ABCA12: variants seen among roughly 807,000 people sequenced by gnomAD.
ABCA12 encodes the protein glucosylceramide transporter ABCA12.
ABCA12 carries 156 observed loss-of-function variants against 293.5 expected under a neutral mutation model. The ratio of observed to expected loss-of-function variants is 0.53; its 90% confidence interval spans 0.47 to 0.61. The LOEUF (loss-of-function observed/expected upper bound fraction) is 0.61, where lower values mean the gene tolerates loss of function less well. Among genes scored for constraint, ABCA12 ranks in the 20% least tolerant of loss-of-function variants. The probability of loss-of-function intolerance (pLI) is 0.00; values close to 1 mark genes in which losing one functional copy is unlikely to be tolerated. For missense variants in ABCA12, 2,797 were observed against 3,090.2 expected, an observed-to-expected ratio of 0.91 and a Z score of 2.25; for synonymous variants, 1,063 against 1,108.0, an observed-to-expected ratio of 0.96 and a Z score of 0.81.
chr2:215,121,960 T>G (rs1008450193), intron 1 of ABCA12, among the ~76,000 whole-genome samples: 3 of 152,182 alleles, frequency 2.0e-5, no homozygotes, highest in Admixed American at 6.5e-5. Flanking sequence ...AGGTATGTCT[T>G]TATTAGCAGC....
chr2:215,130,715 A>G (rs1703035123), intron 1 of ABCA12, among the ~76,000 whole-genome samples: 1 of 151,978 alleles, frequency 6.6e-6, no homozygotes, highest in South Asian at 2.1e-4. Context: ...CTCTTTTCCA[A>G]TTTGGATGCC....
chr2:214,998,720 TG>T (rs937672165), intron 22 of ABCA12, among the ~76,000 whole-genome samples: 5 of 152,212 alleles, frequency 3.3e-5, no homozygotes, highest in Non-Finnish European at 5.9e-5. Flanking sequence ...TTATTATATC[TG>T]GGTGGGACCA....
chr2:215,030,821 A>G (rs903736451), intron 9 of ABCA12, among the ~76,000 whole-genome samples: 1 of 152,214 alleles, frequency 6.6e-6, no homozygotes, highest in African/African-American at 2.4e-5. Flanking sequence ...GAAAGTTTGT[A>G]AACAACTATG....
At chr2:215,047,540 C>T (rs1403377846) in intron 6 of ABCA12, among the ~76,000 whole-genome samples, 1 of 152,138 alleles carries the variant, frequency 6.6e-6, no homozygotes, top group African/African-American at 2.4e-5. Flanking sequence ...GGAAAGAACT[C>T]CCTATTCAAT....
intron 1 of ABCA12, among the ~76,000 whole-genome samples, chr2:215,135,350 TC>T (rs1192836811): frequency 2.0e-5 from 3 of 152,250 alleles, no homozygotes; most frequent in Non-Finnish European, 2.9e-5. Context: ...TTTGCTTTTT[TC>T]ATGTGCCATT....
rs769888029 is a variant in ABCA12, at chr2:214,973,934, T to G, written c.5562+15A>C. ...CGTATTTTTCCCATTTCACTGAAAC[T>G]GAATTCCATCTTACCTGGACATTTT... On this transcript the variant is annotated intron_variant, in intron 36 of 52. Transcript: ENST00000272895. The G allele has an allele frequency of 1.2e-6, 2 of 1,607,696 alleles. No homozygotes were observed. Among genetic ancestry groups the G allele is most frequent in the Non-Finnish European group, 8.5e-7 (1 of 1,174,288 alleles).
intron 41 of ABCA12, among the ~76,000 whole-genome samples, chr2:214,957,599 C>T (rs549724869): frequency 3.9e-5 from 6 of 152,178 alleles, no homozygotes; most frequent in Non-Finnish European, 8.8e-5. Flanking sequence ...TACTCTCCAA[C>T]CCTTTAAGCC....
intron 23 of ABCA12, among the ~76,000 whole-genome samples, chr2:214,996,608 T>G (rs1183586028): frequency 6.6e-6 from 1 of 152,136 alleles, no homozygotes; most frequent in Admixed American, 6.6e-5. Flanking sequence ...GGACTCAAAC[T>G]AGTTGATGAG....
At chr2:215,092,728 C>T (rs1408441816) in intron 2 of ABCA12, among the ~76,000 whole-genome samples, 1 of 152,160 alleles carries the variant, frequency 6.6e-6, no homozygotes, top group Non-Finnish European at 1.5e-5. Context: ...AGGATCTTCA[C>T]CTTATCAACC....
intron 2 of ABCA12, among the ~76,000 whole-genome samples, chr2:215,095,244 G>T (rs1702227096): frequency 6.6e-6 from 1 of 152,026 alleles, no homozygotes. Flanking sequence ...CTCAAAGATA[G>T]AGCCCAAAAA....
At chr2:215,096,394 A>G (rs962816500) in intron 2 of ABCA12, among the ~76,000 whole-genome samples, 2 of 152,174 alleles carry the variant, frequency 1.3e-5, no homozygotes, top group Non-Finnish European at 2.9e-5. Context: ...TTGCTTCTCT[A>G]AGAGTTTTGA....
In ABCA12 at chr2:214,958,465, C is replaced by T. The variant is rs1426976708; in HGVS notation, c.5940-11G>A. ...ATTAAACTGCTGATTCTAGAGTGAG[C>T]AATAGGGAGAGGAAAACACACATAA... On this transcript the variant is annotated splice_polypyrimidine_tract_variant and intron_variant, in intron 40 of 52. Coordinates refer to ENST00000272895, the MANE Select transcript of ABCA12 (RefSeq NM_173076.3). The T allele has an allele frequency of 6.2e-7, 1 of 1,613,428 alleles. No individual in the cohort carries two copies. The highest frequency in any genetic ancestry group is 1.1e-5 in the South Asian group (1 of 91,052).
chr2:214,979,072 T>C (rs2105962368), intron 31 of ABCA12, 32 bp from the exon 32 acceptor site: 2 of 1,586,498 alleles, frequency 1.3e-6, no homozygotes, highest in Non-Finnish European at 1.7e-6. Flanking sequence ...TAAAACACTC[T>C]CCTCTCTTTA....
rs985104223 is a variant in ABCA12 at position 215,128,669 on chromosome 2, T to C, written c.69+9471A>G. Among the ~76,000 whole-genome samples the C allele has an allele frequency of 3.9e-5, 6 of 152,274 alleles. 1 individual carries two copies. Among genetic ancestry groups the C allele is most frequent in the African/African-American group, 7.2e-5 (3 of 41,552 alleles). On this transcript the variant is annotated intron_variant, in intron 1 of 52. Coordinates refer to ENST00000272895, the MANE Select transcript of ABCA12 (RefSeq NM_173076.3). ...TTTGTATTTTTTTTTCTTAAAGCTATCTATTTCCTTGAATATTTCTCCCTT... is the reference window on the plus strand; with the variant it reads ...TTTGTATTTTTTTTTCTTAAAGCTACCTATTTCCTTGAATATTTCTCCCTT...
At chr2:214,940,666 G>C (rs1277335920) in intron 50 of ABCA12, among the ~76,000 whole-genome samples, 1 of 152,124 alleles carries the variant, frequency 6.6e-6, no homozygotes, top group Non-Finnish European at 1.5e-5. Context: ...GGTCTATTGA[G>C]GGATTTGACT....
Position 214,970,313 on chromosome 2 carries a change from T to G in ABCA12, c.5650A>C (p.Asn1884His). 1.9e-6 allele frequency: 3 copies of G among 1,613,218 alleles called. No homozygotes were observed. Among genetic ancestry groups the G allele is most frequent in the Non-Finnish European group, 1.7e-6 (2 of 1,179,454 alleles). The change falls in exon 37 of 53, where the codon AAT becomes CAT. Residue 1884 changes from asparagine to histidine, a missense_variant. Physicochemically the swap from Asn to His is moderately conservative, Grantham distance 68. Coordinates refer to ENST00000272895, the MANE Select transcript of ABCA12 (RefSeq NM_173076.3). Reference sequence around the variant, plus strand: ...TCATTTGCAGTTGATATAAGATAATTTTCCACTCGTTGCCCAGTGAGGTTA... The same window carrying G: ...TCATTTGCAGTTGATATAAGATAATGTTCCACTCGTTGCCCAGTGAGGTTA... The part of the protein sequence containing the change: ...IYNLTGQRVE[N>H]YLISTANEFV...
chr2:215,019,379 G>T lies in ABCA12; in HGVS notation c.1614C>A (p.Ala538=), dbSNP rs774282108. The change falls in exon 13 of 53, where the codon GCC becomes GCA. Residue 538 remains alanine, a synonymous_variant. Transcript: ENST00000272895. ...NITQLIPIIE[A]MLHVNNSADA... The stretch of plus-strand genomic sequence containing the variant: ...CTGCACTGTTATTGACATGCAGCAT[G>T]GCTTCTATGATCGGTATTAACTGAG... 6.2e-7 allele frequency: 1 copy of T among 1,613,054 alleles called. No homozygotes were observed.
In ABCA12 at chr2:215,017,434, C is replaced by T. The variant is rs116545686; in HGVS notation, c.1782+574G>A. Among the ~76,000 whole-genome samples, 1,435 of 152,286 alleles carry T rather than the reference C, an allele frequency of 9.4e-3. 24 individuals are homozygous for T. The highest frequency in any genetic ancestry group is 0.032 in the African/African-American group (1,342 of 41,538). The stretch of plus-strand genomic sequence containing the variant: ...CAACCACAAACTTACCCTTAGTTCC[C>T]TTGACCACATCTATTGTATATGCTA... On this transcript the variant is annotated intron_variant, in intron 14 of 52. Transcript: ENST00000272895.
intron 2 of ABCA12, among the ~76,000 whole-genome samples, chr2:215,079,014 T>C (rs1240821955): frequency 6.6e-6 from 1 of 152,196 alleles, no homozygotes; most frequent in Non-Finnish European, 1.5e-5. Flanking sequence ...CCTCTTGTCC[T>C]TTTTTATGCA....
Sources: allele counts gnomAD v4.1 joint callset (sites outside exome capture counted in the v4.1 genomes callset), GRCh38; gene constraint gnomAD v4.1.1; transcripts MANE v1.5; gene names NCBI Gene and HGNC (gene_info 2026-07-23, HGNC 2026-07-21).